Variants in ALK observed in about 807,000 individuals in gnomAD.
The protein encoded by ALK is ALK tyrosine kinase receptor.
A neutral mutation model predicts 163.1 loss-of-function variants in ALK; 74 were observed. The observed-to-expected ratio is 0.45, with a 90% CI of 0.38 to 0.55. The LOEUF (loss-of-function observed/expected upper bound fraction) is 0.55. Ranked by LOEUF, ALK falls within the 20% of genes least tolerant of loss-of-function variation. The pLI, the probability that ALK is intolerant of heterozygous loss-of-function variation, is 0.00. For missense variants in ALK, 2,063 were observed against 2,105.3 expected (o/e 0.98, Z 0.39); for synonymous variants, 960 against 843.2 (o/e 1.14, Z -2.40).
intron 1 of ALK, among the ~76,000 whole-genome samples, chr2:29,757,593 T>TG (rs1680573557): frequency 2.0e-5 from 3 of 148,232 alleles, no homozygotes; most frequent in Non-Finnish European, 3.0e-5. Context: ...TTTTGTTTGT[T>TG]TGTGTGTGTG....
At chr2:29,678,061 A>T (rs1421736904) in intron 3 of ALK, among the ~76,000 whole-genome samples, 2 of 151,916 alleles carry the variant, frequency 1.3e-5, no homozygotes, top group South Asian at 4.1e-4. Flanking sequence ...GTTGTCATAT[A>T]TTGTCATATC....
chr2:29,195,240 G>A (rs1173223864), intron 28 of ALK, among the ~76,000 whole-genome samples: 2 of 152,196 alleles, frequency 1.3e-5, no homozygotes, highest in African/African-American at 4.8e-5. Context: ...TTAAGTGGGT[G>A]TATTCCATTC....
At chr2:29,417,406 G>C (rs752963512) in intron 4 of ALK, among the ~76,000 whole-genome samples, 1 of 152,040 alleles carries the variant, frequency 6.6e-6, no homozygotes, top group Non-Finnish European at 1.5e-5. Context: ...GCTATCCTGA[G>C]AGCCAAACTT....
At chr2:29,888,725 G>T (rs1667056258) in intron 1 of ALK, among the ~76,000 whole-genome samples, 1 of 152,002 alleles carries the variant, frequency 6.6e-6, no homozygotes, top group South Asian at 2.1e-4. Context: ...TCCCAAAAAG[G>T]AGTCCCTCTT....
intron 28 of ALK, among the ~76,000 whole-genome samples, chr2:29,196,078 A>G (rs563365135): frequency 6.6e-6 from 1 of 152,276 alleles, no homozygotes; most frequent in African/African-American, 2.4e-5. Context: ...GAGAGAAGCA[A>G]AAATTTCGAG....
At chr2:29,505,371 T>A (rs2148135274) in intron 4 of ALK, among the ~76,000 whole-genome samples, 1 of 152,276 alleles carries the variant, frequency 6.6e-6, no homozygotes, top group Non-Finnish European at 1.5e-5. Flanking sequence ...GATTGAACTA[T>A]CTTTGGGGGC....
chr2:29,643,962 G>A (rs1021679090), intron 3 of ALK, among the ~76,000 whole-genome samples: 8 of 151,904 alleles, frequency 5.3e-5, no homozygotes, highest in Admixed American at 2.0e-4. Flanking sequence ...TGTTTATTGT[G>A]GCACTATTCA....
intron 1 of ALK, among the ~76,000 whole-genome samples, chr2:29,904,208 T>C (rs941238137): frequency 6.6e-6 from 1 of 152,192 alleles, no homozygotes; most frequent in Non-Finnish European, 1.5e-5. Context: ...TTTGGAAATA[T>C]TATTTATGAT....
intron 4 of ALK, among the ~76,000 whole-genome samples, chr2:29,419,480 T>C (rs1393318341): frequency 6.6e-6 from 1 of 151,446 alleles, no homozygotes; most frequent in Non-Finnish European, 1.5e-5. Context: ...GAGGTCCTTC[T>C]GGGTGGAGGA....
intron 4 of ALK, among the ~76,000 whole-genome samples, chr2:29,453,271 G>T (rs1236755365): frequency 1.3e-5 from 2 of 152,084 alleles, no homozygotes; most frequent in African/African-American, 2.4e-5. Context: ...TCAGTCTGTT[G>T]CCCAGGGTAG....
At chr2:29,859,261 T>C (rs1666221097) in intron 1 of ALK, among the ~76,000 whole-genome samples, 1 of 152,120 alleles carries the variant, frequency 6.6e-6, no homozygotes. Context: ...GTCTGCAAGG[T>C]AAGGCTCAGG....
intron 3 of ALK, among the ~76,000 whole-genome samples, chr2:29,611,977 C>G (rs1283051062): frequency 6.6e-6 from 1 of 152,160 alleles, no homozygotes; most frequent in Non-Finnish European, 1.5e-5. Flanking sequence ...AACAAAGAGA[C>G]AGACAAACAG....
rs1292130617 is a variant in ALK, at chr2:29,246,166, G to A, written c.2204+4939C>T. ...GGGGAGGAGATGGGGGCAGGACTGC[G>A]GGCTGAGAAGGATGCTGGTCCTAGA... On this transcript the variant is annotated intron_variant, in intron 12 of 28. Transcript: ENST00000389048. This position sits in a 1 kb window ranked among gnomAD's most constrained non-coding sequence, Gnocchi z 4.3. Among the ~76,000 whole-genome samples the A allele has an allele frequency of 3.3e-5, 5 of 151,960 alleles. No individual in the cohort carries two copies. The highest frequency in any genetic ancestry group is 6.5e-5 in the Admixed American group (1 of 15,270).
At chr2:29,754,513 G>A (rs1030970702) in intron 1 of ALK, among the ~76,000 whole-genome samples, 1 of 152,060 alleles carries the variant, frequency 6.6e-6, no homozygotes, top group South Asian at 2.1e-4. Flanking sequence ...AACATAGGGG[G>A]ACTCCATCTC....
intron 3 of ALK, among the ~76,000 whole-genome samples, chr2:29,658,742 G>A (rs1677264195): frequency 6.6e-6 from 1 of 152,110 alleles, no homozygotes; most frequent in South Asian, 2.1e-4. Flanking sequence ...TGGATTAAGT[G>A]ATACAAATTT....
chr2:29,316,284 G>A (rs1311498296), intron 8 of ALK, among the ~76,000 whole-genome samples: 2 of 152,108 alleles, frequency 1.3e-5, no homozygotes, highest in Non-Finnish European at 2.9e-5. Flanking sequence ...AAACCTGAAT[G>A]TGAAATCATA....
chr2:29,800,653 T>C (rs1273780054), intron 1 of ALK, among the ~76,000 whole-genome samples: 2 of 152,160 alleles, frequency 1.3e-5, no homozygotes, highest in African/African-American at 4.8e-5. Context: ...ACCAGAGCCC[T>C]GGAGGCACTC....
At chr2:29,208,597 A>G (rs1007354209) in intron 25 of ALK, among the ~76,000 whole-genome samples, 9 of 152,198 alleles carry the variant, frequency 5.9e-5, no homozygotes, top group African/African-American at 2.2e-4. Context: ...CATCTTCCAC[A>G]TGCTGCTGCC....
intron 1 of ALK, among the ~76,000 whole-genome samples, chr2:29,824,034 A>G (rs1414925480): frequency 6.6e-6 from 1 of 152,184 alleles, no homozygotes; most frequent in African/African-American, 2.4e-5. Flanking sequence ...TGTGCAGTCT[A>G]GGGACTTGGT....
Sources: gnomAD v4.1 joint callset for allele counts (sites outside exome capture counted in the v4.1 genomes callset) on GRCh38, gnomAD v4.1.1 for gene constraint, Gnocchi (gnomAD v3.1) non-coding constraint, MANE v1.5 for transcripts, NCBI Gene and HGNC (gene_info 2026-07-23, HGNC 2026-07-21) for gene names.